MACROD2: variants seen among roughly 807,000 people sequenced by gnomAD.
The protein encoded by MACROD2 is mono-ADP ribosylhydrolase 2, also known as ADP-ribose glycohydrolase MACROD2.
MACROD2 carries 36 observed loss-of-function variants against 70.4 expected under a neutral mutation model. The observed-to-expected ratio is 0.51, with a 90% CI of 0.39 to 0.68. MACROD2 has a LOEUF of 0.68. Ranked by LOEUF, MACROD2 falls within the 30% of genes least tolerant of loss-of-function variation. The pLI, the probability that MACROD2 is intolerant of heterozygous loss-of-function variation, is 0.00. For missense variants in MACROD2, 496 were observed against 538.4 expected, an observed-to-expected ratio of 0.92 and a Z score of 0.78; for synonymous variants, 172 against 178.8, an observed-to-expected ratio of 0.96 and a Z score of 0.30.
At chr20:14,890,540 G>C (rs1251006567) in intron 5 of MACROD2, among the ~76,000 whole-genome samples, 1 of 152,030 alleles carries the variant, frequency 6.6e-6, no homozygotes, top group African/African-American at 2.4e-5. Flanking sequence ...GAACAAGATA[G>C]GAGAATCTCT....
At chr20:15,840,925 AAT>A (rs2064163331) in intron 8 of MACROD2, among the ~76,000 whole-genome samples, 2 of 152,180 alleles carry the variant, frequency 1.3e-5, no homozygotes, top group Non-Finnish European at 2.9e-5. Flanking sequence ...AAGAAAAATA[AAT>A]ATGTTTTTCA....
At chr20:15,327,239 G>A (rs1311904407) in intron 6 of MACROD2, among the ~76,000 whole-genome samples, 1 of 152,120 alleles carries the variant, frequency 6.6e-6, no homozygotes, top group Non-Finnish European at 1.5e-5. Context: ...TACTTTCTGT[G>A]TCCTTGTGTC....
chr20:14,385,942 T>C (rs2083463403), intron 3 of MACROD2, among the ~76,000 whole-genome samples: 1 of 152,244 alleles, frequency 6.6e-6, no homozygotes, highest in South Asian at 2.1e-4. Flanking sequence ...TTAAAGAACA[T>C]GTATCATTTA....
chr20:15,233,704 G>A (rs892707578), intron 6 of MACROD2, among the ~76,000 whole-genome samples: 3 of 151,464 alleles, frequency 2.0e-5, no homozygotes, highest in Middle Eastern at 3.4e-3. Flanking sequence ...CAAATCAAAT[G>A]GCTCATTTTA....
At chr20:14,278,573 C>A (rs1313938034) in intron 3 of MACROD2, among the ~76,000 whole-genome samples, 1 of 151,924 alleles carries the variant, frequency 6.6e-6, no homozygotes, top group East Asian at 1.9e-4. Flanking sequence ...ATTGGTTGTG[C>A]GAAAACATGT....
chr20:15,804,958 A>G (rs1600919087), intron 8 of MACROD2, among the ~76,000 whole-genome samples: 1 of 152,122 alleles, frequency 6.6e-6, no homozygotes, highest in African/African-American at 2.4e-5. Context: ...TATTTTCTAC[A>G]CTGTCTCCCA....
intron 5 of MACROD2, among the ~76,000 whole-genome samples, chr20:15,109,285 G>A (rs908468947): frequency 2.6e-5 from 4 of 152,148 alleles, no homozygotes; most frequent in Admixed American, 6.6e-5. Flanking sequence ...GATCAGAGTC[G>A]TCTGAAACTT....
intron 15 of MACROD2, among the ~76,000 whole-genome samples, chr20:16,004,237 G>A (rs375706280): frequency 2.1e-4 from 32 of 152,156 alleles, no homozygotes; most frequent in African/African-American, 7.5e-4. Context: ...CTCTCTTCCC[G>A]CATATGCCCT....
intron 3 of MACROD2, among the ~76,000 whole-genome samples, chr20:14,203,041 C>A (rs1303376124): frequency 4.6e-5 from 7 of 150,616 alleles, no homozygotes; most frequent in African/African-American, 1.2e-4. Context: ...GAGCAAAACT[C>A]CATCTTAGAA....
intron 6 of MACROD2, among the ~76,000 whole-genome samples, chr20:15,260,771 T>C (rs2077242384): frequency 6.6e-6 from 1 of 152,002 alleles, no homozygotes; most frequent in South Asian, 2.1e-4. Flanking sequence ...AAATCTGTGC[T>C]AGCATTTGTT....
intron 10 of MACROD2, among the ~76,000 whole-genome samples, chr20:15,897,078 C>T (rs1309447084): frequency 6.6e-6 from 1 of 152,138 alleles, no homozygotes; most frequent in Non-Finnish European, 1.5e-5. Context: ...TTTTCTCACA[C>T]TTCTTCCTTT....
chr20:15,659,634 A>G (rs2049789773), intron 8 of MACROD2, among the ~76,000 whole-genome samples: 1 of 151,786 alleles, frequency 6.6e-6, no homozygotes, highest in Admixed American at 6.6e-5. Flanking sequence ...CACTACTCAA[A>G]TCTTGTGGGT....
intron 5 of MACROD2, among the ~76,000 whole-genome samples, chr20:14,814,999 T>C (rs573876006): frequency 1.3e-5 from 2 of 152,180 alleles, no homozygotes; most frequent in East Asian, 3.9e-4. Flanking sequence ...TTAAACACTA[T>C]ATCCTGAAAC....
At chr20:15,850,363 CT>C (rs1196725709) in intron 8 of MACROD2, among the ~76,000 whole-genome samples, 1 of 152,214 alleles carries the variant, frequency 6.6e-6, no homozygotes, top group African/African-American at 2.4e-5. Flanking sequence ...CAAACTCCAG[CT>C]CACTAGATAT....
chr20:14,398,838 C>T (rs1368789992), intron 3 of MACROD2, among the ~76,000 whole-genome samples: 2 of 152,102 alleles, frequency 1.3e-5, no homozygotes, highest in Non-Finnish European at 2.9e-5. Flanking sequence ...TCGTTTCCAT[C>T]CATATTTCCA....
At chr20:14,811,268 C>T (rs1185018007) in intron 5 of MACROD2, among the ~76,000 whole-genome samples, 4 of 151,986 alleles carry the variant, frequency 2.6e-5, no homozygotes, top group African/African-American at 9.7e-5. Context: ...GAACATAGGC[C>T]TCAGAAATAA....
At chr20:15,120,322 T>C (rs1000324732) in intron 5 of MACROD2, among the ~76,000 whole-genome samples, 2 of 152,102 alleles carry the variant, frequency 1.3e-5, no homozygotes, top group Non-Finnish European at 2.9e-5. Flanking sequence ...GCGCACACAT[T>C]TTCTTTCATG....
chr20:14,251,705 A>G (rs2082014119), intron 3 of MACROD2, among the ~76,000 whole-genome samples: 1 of 152,096 alleles, frequency 6.6e-6, no homozygotes, highest in African/African-American at 2.4e-5. Context: ...GACAATGAGG[A>G]AAATGGTGCT....
intron 6 of MACROD2, among the ~76,000 whole-genome samples, chr20:15,234,009 ATTCTTTTT>A (rs1568657500): frequency 2.5e-4 from 10 of 39,982 alleles, no homozygotes; most frequent in African/African-American, 6.0e-4. Flanking sequence ...ATATATATAT[ATTCTTTTT>A]TTTTTTTTTT....
Sources: allele counts gnomAD v4.1 joint callset (sites outside exome capture counted in the v4.1 genomes callset), GRCh38; gene constraint gnomAD v4.1.1; transcripts MANE v1.5; gene names NCBI Gene and HGNC (gene_info 2026-07-23, HGNC 2026-07-21).